The following IKZF1 variants were observed in gnomAD, a reference collection of about 807,000 sequenced individuals.
IKZF1 encodes the protein IKAROS family zinc finger 1.
In IKZF1, 10 loss-of-function variants were observed where a neutral mutation model predicts 51.7. That is an observed-to-expected ratio of 0.19 (90% CI 0.12 to 0.33). IKZF1 has a LOEUF of 0.33. Ranked by LOEUF, IKZF1 falls within the 10% of genes least tolerant of loss-of-function variation. IKZF1 has a pLI of 1.00. For missense variants in IKZF1, 484 were observed against 707.5 expected, an observed-to-expected ratio of 0.68 and a Z score of 3.58; for synonymous variants, 280 against 282.3, an observed-to-expected ratio of 0.99 and a Z score of 0.08.
chr7:50,391,745 T>C lies in IKZF1; in HGVS notation c.732T>C (p.Thr244=). 6.2e-7 allele frequency: 1 copy of C among 1,613,970 alleles called. No individual in the cohort carries two copies. Residue 244 remains threonine (T), a synonymous_variant, in exon 7 of 8, where the codon ACT becomes ACC. Transcript: ENST00000331340. ...TGACTTTAGTCATTAAAGAAGAAAC[T>C]AATCACAGTGAAATGGCAGAAGACC... ...GTLYPVIKEE[T]NHSEMAEDLC... is the part of the protein sequence containing the mutation.
At chr7:50,335,025 G>C (rs1375746715) in intron 3 of IKZF1, among the ~76,000 whole-genome samples, 1 of 148,660 alleles carries the variant, frequency 6.7e-6, no homozygotes, top group African/African-American at 2.5e-5. Flanking sequence ...GTGTGTATTG[G>C]ATGTGTGGTG....
intron 3 of IKZF1, among the ~76,000 whole-genome samples, chr7:50,333,040 A>T (rs1267110566): frequency 6.6e-6 from 1 of 151,752 alleles, no homozygotes; most frequent in East Asian, 1.9e-4. Flanking sequence ...TAGGTCCTTC[A>T]TGTTGAATAG....
intron 3 of IKZF1, chr7:50,367,645 G>A (rs1240168267): frequency 5.8e-5 from 11 of 188,700 alleles, no homozygotes. Flanking sequence ...GATACGTGCT[G>A]TCCCAGGAGA....
At chr7:50,331,267 A>G (rs1158702775) in intron 3 of IKZF1, among the ~76,000 whole-genome samples, 1 of 152,096 alleles carries the variant, frequency 6.6e-6, no homozygotes, top group Non-Finnish European at 1.5e-5. Context: ...TTTAAAAAAA[A>G]TGGTCCAAAG....
chr7:50,397,213 TCA>T (rs147833313), intron 7 of IKZF1, among the ~76,000 whole-genome samples: 2,021 of 152,350 alleles, frequency 0.013, 45 homozygotes, highest in African/African-American at 0.044. Flanking sequence ...ATGTGTGTTC[TCA>T]CACACGCCAT....
At chr7:50,397,070 G>T (rs1344472944) in intron 7 of IKZF1, among the ~76,000 whole-genome samples, 1 of 152,186 alleles carries the variant, frequency 6.6e-6, no homozygotes, top group African/African-American at 2.4e-5. Flanking sequence ...TGTCTTTATA[G>T]ATATGAGGCT....
intron 3 of IKZF1, among the ~76,000 whole-genome samples, chr7:50,361,880 A>C (rs1805360222): frequency 6.6e-6 from 1 of 152,310 alleles, no homozygotes; most frequent in East Asian, 1.9e-4. Flanking sequence ...ATCTCAAAAA[A>C]GAAAAAAAAA....
chr7:50,345,937 T>C (rs891706654), intron 3 of IKZF1, among the ~76,000 whole-genome samples: 1 of 152,184 alleles, frequency 6.6e-6, no homozygotes, highest in African/African-American at 2.4e-5. Flanking sequence ...GAACATCTGG[T>C]TCAGTTAAAA....
chr7:50,320,367 A>T lies in IKZF1; in HGVS notation c.40+1266A>T, dbSNP rs546086821. Reference sequence around the variant, plus strand: ...ACATAGTGATGTTGTGATATATACAATGTATAGTAATCGGATCAGGTAAAT... The same window carrying T: ...ACATAGTGATGTTGTGATATATACATTGTATAGTAATCGGATCAGGTAAAT... On this transcript the variant is annotated intron_variant, in intron 2 of 7. Coordinates refer to ENST00000331340, the MANE Select transcript of IKZF1 (RefSeq NM_006060.6). 1.9e-4 allele frequency among the ~76,000 whole-genome samples: 29 copies of T among 152,326 alleles called. No homozygotes were observed. In the South Asian group the frequency reaches 3.5e-3, roughly 19 times the overall value.
At chr7:50,385,728 C>A (rs1234242926) in intron 5 of IKZF1, among the ~76,000 whole-genome samples, 1 of 152,210 alleles carries the variant, frequency 6.6e-6, no homozygotes, top group Non-Finnish European at 1.5e-5. Context: ...ACTGAAGTGA[C>A]AGCTTTTTCA....
chr7:50,400,412 C>T lies in IKZF1; in HGVS notation c.1345C>T (p.Leu449Phe), dbSNP rs758911849. 5 of 1,613,808 alleles carry T rather than the reference C, an allele frequency of 3.1e-6. No individual in the cohort carries two copies. The highest frequency in any genetic ancestry group is 4.2e-6 in the Non-Finnish European group (5 of 1,179,844). The change falls in exon 8 of 8, where the codon CTC (leucine) becomes TTC (phenylalanine). Residue 449 changes from leucine (L) to phenylalanine (F), a missense_variant. By Grantham distance (22) the Leu-to-Phe change is conservative. Around this residue, in one of 6 missense-constraint regions of IKZF1, gnomAD observed 72 missense variants for 67.5 expected, o/e 1.07. Transcript: ENST00000331340. This position sits in a 1 kb window ranked among gnomAD's most constrained non-coding sequence, Gnocchi z 5.4. ...CGCCTCCGAGAACTCGCAGGACGCG[C>T]TCCGCGTGGTCAGCACCAGCGGGGA... ...RAASENSQDA[L>F]RVVSTSGEQM...
At chr7:50,383,629 C>T (rs911451204) in intron 5 of IKZF1, among the ~76,000 whole-genome samples, 7 of 152,188 alleles carry the variant, frequency 4.6e-5, no homozygotes, top group East Asian at 3.9e-4. Context: ...ACTTCGGAGG[C>T]GAAAGGTTGA....
In IKZF1 at chr7:50,387,487, G is replaced by C. The variant is rs1049961836; in HGVS notation, c.715+17G>C. 1 of 1,599,592 alleles carries C rather than the reference G, an allele frequency of 6.3e-7. No individual in the cohort carries two copies. The highest frequency in any genetic ancestry group is 8.5e-7 in the Non-Finnish European group (1 of 1,173,764). ...TGTACCCAGGTAAGCGCTGCTGCTC[G>C]GAGGCCAGCCTGGTGGGCTCTCCCC... On this transcript the variant is annotated intron_variant, in intron 6 of 7. Coordinates refer to ENST00000331340, the MANE Select transcript of IKZF1 (RefSeq NM_006060.6).
At chr7:50,323,878 T>A (rs974082509) in intron 2 of IKZF1, among the ~76,000 whole-genome samples, 2 of 152,220 alleles carry the variant, frequency 1.3e-5, no homozygotes, top group Admixed American at 6.5e-5. Context: ...CGCAACCCTG[T>A]GGGATAGACC....
At chr7:50,310,644 G>C (rs1286237869) in intron 1 of IKZF1, among the ~76,000 whole-genome samples, 1 of 152,204 alleles carries the variant, frequency 6.6e-6, no homozygotes, top group Non-Finnish European at 1.5e-5. Flanking sequence ...GTTTTGGCAT[G>C]AGTGTCTTAA....
At chr7:50,346,479 A>G (rs1470570189) in intron 3 of IKZF1, among the ~76,000 whole-genome samples, 1 of 152,198 alleles carries the variant, frequency 6.6e-6, no homozygotes, top group East Asian at 1.9e-4. Context: ...CCCTCTAAAT[A>G]GCCCGTTCTC....
At chr7:50,305,899 A>G (rs902128094) in intron 1 of IKZF1, among the ~76,000 whole-genome samples, 4 of 152,120 alleles carry the variant, frequency 2.6e-5, no homozygotes, top group Non-Finnish European at 5.9e-5. Flanking sequence ...CAATTTGGTT[A>G]TGAGTCGAGG....
In IKZF1 at chr7:50,376,896, T is replaced by C; in HGVS notation, c.421+103T>C. 6.0e-6 allele frequency: 9 copies of C among 1,505,256 alleles called. No homozygotes were observed. The highest frequency in any genetic ancestry group is 8.0e-6 in the Non-Finnish European group (9 of 1,126,364). The allele number at this position is 1,505,256 out of a possible 1,614,324, so 93.2% of individuals were successfully genotyped here. A position where few individuals can be genotyped will look rare whatever the true frequency, so the allele number is the denominator to read the frequency against. The stretch of plus-strand genomic sequence containing the variant: ...CCTTGTGTTCTGAGCATGTTTCTAA[T>C]TGACTGGTAGCTCAGTTGTTGCAAG... On this transcript the variant is annotated intron_variant, in intron 4 of 7. Coordinates refer to ENST00000331340, the MANE Select transcript of IKZF1 (RefSeq NM_006060.6). The surrounding 1 kb of genome is among the most constrained non-coding windows in gnomAD (Gnocchi z 4.5).
chr7:50,355,138 C>G (rs1020146697), intron 3 of IKZF1, among the ~76,000 whole-genome samples: 2 of 152,154 alleles, frequency 1.3e-5, no homozygotes, highest in Non-Finnish European at 2.9e-5. Context: ...CTTGAGAAGC[C>G]TCCTCCATTC....
Sources: gnomAD v4.1 joint callset for allele counts (sites outside exome capture counted in the v4.1 genomes callset) on GRCh38, gnomAD v4.1.1 for gene constraint, gnomAD v4.1.1 regional missense constraint, Gnocchi (gnomAD v3.1) non-coding constraint, MANE v1.5 for transcripts, NCBI Gene and HGNC (gene_info 2026-07-23, HGNC 2026-07-21) for gene names.